MTAP: variants seen among roughly 807,000 people sequenced by gnomAD.
The protein encoded by MTAP is S-methyl-5'-thioadenosine phosphorylase.
Under a neutral mutation model 33.6 loss-of-function variants are expected in MTAP, and 33 were observed. That is an observed-to-expected ratio of 0.98 (90% confidence interval 0.74 to 1.31). The LOEUF is 1.31. Among genes scored for constraint, MTAP ranks in the 40% most tolerant of loss-of-function variants. The pLI, the probability that MTAP is intolerant of heterozygous loss-of-function variation, is 0.00. For synonymous variants in MTAP, 148 were observed against 125.7 expected (o/e 1.18, Z -1.19); for missense variants, 367 against 360.0 (o/e 1.02, Z -0.16).
At chr9:21,844,842 T>C (rs369895276) in intron 5 of MTAP, among the ~76,000 whole-genome samples, 68 of 152,182 alleles carry the variant, frequency 4.5e-4, no homozygotes, top group East Asian at 2.3e-3. Flanking sequence ...CCATCCTGGC[T>C]AACACGGTGA....
In MTAP at chr9:21,913,315, C is replaced by T. The variant is rs532588046; in HGVS notation, c.148-17693C>T. 1.1e-4 allele frequency among the ~76,000 whole-genome samples: 16 copies of T among 152,252 alleles called. No individual in the cohort carries two copies. In the South Asian group the frequency reaches 2.5e-3, roughly 24 times the overall value. ...TATGGAACCAAAAAAGAGCCTGCAC[C>T]GCCAAGTCAATCCTAAGCCAAAAGA... On this transcript the variant is annotated intron_variant, in intron 1 of 1. Coordinates refer to the MTAP transcript ENST00000577563.
chr9:21,890,648 T>C (rs994710127), intron 1 of MTAP, among the ~76,000 whole-genome samples: 11 of 152,186 alleles, frequency 7.2e-5, no homozygotes, highest in African/African-American at 2.7e-4. Context: ...CTTCTACCTT[T>C]ACATTTTGCT....
In MTAP at chr9:21,863,600, G is replaced by C. The variant is rs1025146752; in HGVS notation, c.*1586G>C. On this transcript the variant is annotated 3_prime_UTR_variant, in exon 8 of 8. Coordinates refer to ENST00000644715, the MANE Select transcript of MTAP (RefSeq NM_002451.4). The stretch of plus-strand genomic sequence containing the variant: ...CTTGTGCCACTGCACTCCAGCCTGG[G>C]CAACAGAGTAAGACTCAGTCTCAAA... 2.0e-5 allele frequency: 19 copies of C among 972,280 alleles called. No homozygotes were observed. The African/African-American group carries it at 3.2e-4, about 17-fold the overall frequency. The allele number at this position is 972,280 out of a possible 1,614,324, so 60.2% of individuals were successfully genotyped here.
chr9:21,930,790 T>A, intron 1 of MTAP: 1 of 715,872 alleles, frequency 1.4e-6, no homozygotes, highest in South Asian at 1.6e-5. Context: ...AATCAATCAG[T>A]AAAAGTACAA....
intron 5 of MTAP, among the ~76,000 whole-genome samples, chr9:21,853,697 T>C (rs1056238042): frequency 6.6e-6 from 1 of 152,188 alleles, no homozygotes; most frequent in African/African-American, 2.4e-5. Flanking sequence ...GTGCATACAG[T>C]GTTTACAGCG....
At chr9:21,827,434 G>A (rs1165967457) in intron 4 of MTAP, among the ~76,000 whole-genome samples, 1 of 152,158 alleles carries the variant, frequency 6.6e-6, no homozygotes, top group Non-Finnish European at 1.5e-5. Context: ...AGCATTCTTG[G>A]TTGTTTCCTG....
At position 21,864,587 on chromosome 9, in the gene MTAP, C is replaced by A; in HGVS notation, c.*2573C>A. 1 of 985,482 alleles carries A rather than the reference C, an allele frequency of 1.0e-6. No homozygotes were observed. The highest frequency in any genetic ancestry group is 1.2e-6 in the Non-Finnish European group (1 of 830,004). 61.0% of individuals were successfully genotyped at this position (985,482 alleles called of 1,614,324 possible). A position where few individuals can be genotyped will look rare whatever the true frequency, so the allele number is the denominator to read the frequency against. ...AGAATGACATCCTGGCCCTGTGGTCCCCGAGGGTCATGGTCCTTGTGACCT... is the reference window on the plus strand; with the variant it reads ...AGAATGACATCCTGGCCCTGTGGTCACCGAGGGTCATGGTCCTTGTGACCT... On this transcript the variant is annotated 3_prime_UTR_variant, in exon 8 of 8. Transcript: ENST00000644715.
chr9:21,896,976 C>T (rs1327599722), intron 1 of MTAP, among the ~76,000 whole-genome samples: 1 of 152,174 alleles, frequency 6.6e-6, no homozygotes, highest in African/African-American at 2.4e-5. Flanking sequence ...ATGCCAAAAT[C>T]CTCAATAAAA....
chr9:21,911,602 C>A (rs1818577793), intron 1 of MTAP, among the ~76,000 whole-genome samples: 1 of 152,004 alleles, frequency 6.6e-6, no homozygotes, highest in African/African-American at 2.4e-5. Context: ...ACACAACATA[C>A]CAGAATCTCT....
chr9:21,839,941 G>T (rs1168429177), intron 5 of MTAP, among the ~76,000 whole-genome samples: 2 of 152,208 alleles, frequency 1.3e-5, no homozygotes, highest in African/African-American at 4.8e-5. Context: ...ATAAGAGACA[G>T]GGCTGGCCAC....
chr9:21,817,055 T>G (rs1824493316), intron 3 of MTAP, among the ~76,000 whole-genome samples: 1 of 152,206 alleles, frequency 6.6e-6, no homozygotes, highest in South Asian at 2.1e-4. Flanking sequence ...TTTGTTCATT[T>G]TTTTCCCCCT....
intron 1 of MTAP, among the ~76,000 whole-genome samples, chr9:21,878,363 CTCT>C (rs1198112177): frequency 6.6e-6 from 1 of 151,948 alleles, no homozygotes; most frequent in African/African-American, 2.4e-5. Context: ...TTCAGTTTAG[CTCT>C]GATTTTGGTA....
chr9:21,812,869 G>T (rs1824385533), intron 1 of MTAP, among the ~76,000 whole-genome samples: 1 of 152,216 alleles, frequency 6.6e-6, no homozygotes, highest in Non-Finnish European at 1.5e-5. Flanking sequence ...TCCCAGCTTT[G>T]CTCCTTATGA....
chr9:21,901,916 C>T (rs1027902050), intron 1 of MTAP, among the ~76,000 whole-genome samples: 13 of 152,272 alleles, frequency 8.5e-5, no homozygotes, highest in Non-Finnish European at 1.6e-4. Context: ...AGTTTTCTAG[C>T]TGCTAGAAAT....
chr9:21,856,509 C>G (rs1406167105), intron 6 of MTAP, among the ~76,000 whole-genome samples: 2 of 152,174 alleles, frequency 1.3e-5, no homozygotes, highest in Non-Finnish European at 2.9e-5. Flanking sequence ...GAAGCTGCTT[C>G]CAATTAATAG....
intron 1 of MTAP, among the ~76,000 whole-genome samples, chr9:21,916,112 G>GA (rs1239273801): frequency 6.7e-6 from 1 of 150,196 alleles, no homozygotes; most frequent in Non-Finnish European, 1.5e-5. Flanking sequence ...AGGAAGGAAG[G>GA]AAGGAAGGAG....
At chr9:21,877,257 G>C (rs1826025703) in intron 1 of MTAP, among the ~76,000 whole-genome samples, 1 of 152,104 alleles carries the variant, frequency 6.6e-6, no homozygotes, top group African/African-American at 2.4e-5. Context: ...AGGAGATTTT[G>C]GGCTGAGACT....
downstream of MTAP, chr9:21,932,478 A>G (rs746994389): frequency 4.6e-5 from 7 of 152,212 alleles, no homozygotes; most frequent in Non-Finnish European, 8.8e-5. Flanking sequence ...TTAGAACCTA[A>G]GATTGGCCTT....
chr9:21,815,460 G>T lies in MTAP; in HGVS notation c.61G>T (p.Asp21Tyr). The change falls in exon 2 of 8, where the codon GAT becomes TAT. Residue 21 changes from aspartate (D) to tyrosine (Y), a missense_variant. By Grantham distance (160) the Asp-to-Tyr change is radical. Coordinates refer to ENST00000644715, the MANE Select transcript of MTAP (RefSeq NM_002451.4). ...TGGAATAATTGGTGGAACAGGCCTG[G>T]ATGATCCAGAAATTTTAGAAGGAAG... ...KIGIIGGTGLDDPEILEGRTE... is the reference protein window; with the variant it reads ...KIGIIGGTGLYDPEILEGRTE... 6.2e-7 allele frequency: 1 copy of T among 1,611,226 alleles called. No homozygotes were observed. Among genetic ancestry groups the T allele is most frequent in the Non-Finnish European group, 8.5e-7 (1 of 1,178,386 alleles).
Sources: gnomAD v4.1 joint callset for allele counts (sites outside exome capture counted in the v4.1 genomes callset) on GRCh38, gnomAD v4.1.1 for gene constraint, MANE v1.5 for transcripts, NCBI Gene and HGNC (gene_info 2026-07-23, HGNC 2026-07-21) for gene names.